The following PTPRN2 variants were observed in gnomAD, a reference collection of about 807,000 sequenced individuals.
PTPRN2 encodes the protein receptor-type tyrosine-protein phosphatase N2.
A neutral mutation model predicts 118.8 loss-of-function variants in PTPRN2; 74 were observed. The observed-to-expected ratio is 0.62, with a 90% CI of 0.52 to 0.76. The LOEUF (loss-of-function observed/expected upper bound fraction) is 0.76. PTPRN2 is among the 30% of genes least tolerant of loss of function. The probability of loss-of-function intolerance (pLI) is 0.00; values close to 1 mark genes in which losing one functional copy is unlikely to be tolerated. For synonymous variants in PTPRN2, 641 were observed against 608.0 expected (o/e 1.05, Z -0.80); for missense variants, 1,481 against 1,394.4 (o/e 1.06, Z -0.99).
chr7:157,854,419 T>C (rs963277958), intron 12 of PTPRN2: 1 of 152,354 alleles, frequency 6.6e-6, no homozygotes, highest in Non-Finnish European at 1.5e-5. Context: ...AGAGCAGCCG[T>C]GGCCAGGAAA....
chr7:158,527,947 C>G (rs1383592416), intron 1 of PTPRN2, among the ~76,000 whole-genome samples: 3 of 152,132 alleles, frequency 2.0e-5, no homozygotes, highest in Non-Finnish European at 4.4e-5. Flanking sequence ...GTTGCTTGTG[C>G]TATGTCTGTT....
rs189311184 is a variant in PTPRN2 at position 158,481,574 on chromosome 7, T to G, written c.163+8161A>C. Among the ~76,000 whole-genome samples the G allele has an allele frequency of 2.6e-5, 4 of 152,312 alleles. No homozygotes were observed. In the East Asian group the frequency reaches 7.7e-4, roughly 29 times the overall value. The stretch of plus-strand genomic sequence containing the variant: ...CCGCCTCCCAGGTTCAAGCAATTCC[T>G]TGCCTCAGCCTCCCGCATAGCTGGG... On this transcript the variant is annotated intron_variant, in intron 2 of 22. Transcript: ENST00000389418.
intron 19 of PTPRN2, chr7:157,574,253 G>A (rs139358482): frequency 3.0e-4 from 130 of 431,288 alleles, no homozygotes; most frequent in African/African-American, 1.5e-3. Flanking sequence ...AGAGCGCACC[G>A]TCATGCAAAG....
intron 12 of PTPRN2, among the ~76,000 whole-genome samples, chr7:157,705,116 C>A (rs529467203): frequency 1.1e-4 from 16 of 152,220 alleles, no homozygotes; most frequent in African/African-American, 3.9e-4. Context: ...CCAGCCTGGC[C>A]AATATGGTGA....
At chr7:158,340,483 TA>T (rs1806493278) in intron 2 of PTPRN2, among the ~76,000 whole-genome samples, 1 of 109,420 alleles carries the variant, frequency 9.1e-6, no homozygotes, top group Admixed American at 9.6e-5. Flanking sequence ...ACTCTCACCA[TA>T]ATAGGTGACA....
At chr7:158,044,272 C>A (rs1808679990) in intron 11 of PTPRN2, among the ~76,000 whole-genome samples, 1 of 152,160 alleles carries the variant, frequency 6.6e-6, no homozygotes, top group East Asian at 1.9e-4. Context: ...GGGAGCTCAC[C>A]TCTGGAGGAG....
chr7:158,038,648 C>T (rs1008853182), intron 11 of PTPRN2, among the ~76,000 whole-genome samples: 2 of 149,706 alleles, frequency 1.3e-5, no homozygotes, highest in African/African-American at 2.4e-5. Context: ...ATATATAACA[C>T]ATATAGCATT....
At chr7:158,389,373 A>G (rs975451481) in intron 2 of PTPRN2, among the ~76,000 whole-genome samples, 2 of 152,256 alleles carry the variant, frequency 1.3e-5, no homozygotes, top group Non-Finnish European at 2.9e-5. Flanking sequence ...TTTGGATTTA[A>G]GCTCTGAAAT....
chr7:157,621,659 G>A, intron 14 of PTPRN2, 150 bp from the exon 15 acceptor site: 3 of 895,368 alleles, frequency 3.4e-6, no homozygotes, highest in East Asian at 2.4e-5. Flanking sequence ...TTGTGCTACG[G>A]TGCACAATGC....
At position 157,987,879 on chromosome 7, in the gene PTPRN2, T is replaced by C. The variant is rs986764966; in HGVS notation, c.1724-89142A>G. Among the ~76,000 whole-genome samples, 5 of 151,776 alleles carry C rather than the reference T, an allele frequency of 3.3e-5. No homozygotes were observed. The highest frequency in any genetic ancestry group is 1.2e-4 in the African/African-American group (5 of 41,222). On this transcript the variant is annotated intron_variant, in intron 11 of 22. Transcript: ENST00000389418. The surrounding 1 kb of genome is among the most constrained non-coding windows in gnomAD (Gnocchi z 4.3). ...CCTCCATCACTGATGCCCCCAGCTCTCCCCACACCTGCCATTCCCCACGTT... is the reference window on the plus strand; with the variant it reads ...CCTCCATCACTGATGCCCCCAGCTCCCCCCACACCTGCCATTCCCCACGTT...
At chr7:158,577,342 C>T (rs1828389528) in intron 1 of PTPRN2, among the ~76,000 whole-genome samples, 1 of 140,256 alleles carries the variant, frequency 7.1e-6, no homozygotes, top group African/African-American at 2.8e-5. Flanking sequence ...GGGCTGCCCA[C>T]CCTGCCTGAT....
At chr7:157,692,180 G>A (rs982515114) in intron 12 of PTPRN2, among the ~76,000 whole-genome samples, 1 of 151,464 alleles carries the variant, frequency 6.6e-6, no homozygotes, top group Admixed American at 6.6e-5. Flanking sequence ...TGTTCCCTGC[G>A]CCCGGGACAG....
At chr7:158,282,515 C>A (rs369889577) in intron 3 of PTPRN2, among the ~76,000 whole-genome samples, 1 of 152,202 alleles carries the variant, frequency 6.6e-6, no homozygotes, top group African/African-American at 2.4e-5. Flanking sequence ...GTCGAGGCTG[C>A]GGCTGAGTTT....
chr7:157,816,390 G>A (rs370907704), intron 12 of PTPRN2, among the ~76,000 whole-genome samples: 37 of 152,302 alleles, frequency 2.4e-4, no homozygotes, highest in East Asian at 1.2e-3. Flanking sequence ...TCCCCTCCAC[G>A]AGCTCTAGGG....
intron 5 of PTPRN2, among the ~76,000 whole-genome samples, chr7:158,175,070 C>G (rs752699128): frequency 5.9e-5 from 9 of 151,744 alleles, no homozygotes; most frequent in African/African-American, 2.2e-4. Context: ...GAGGAGACTC[C>G]TGTGTGTGCA....
chr7:157,891,049 C>G (rs1034091070), intron 12 of PTPRN2, among the ~76,000 whole-genome samples: 1 of 152,202 alleles, frequency 6.6e-6, no homozygotes, highest in Non-Finnish European at 1.5e-5. Context: ...CAAAGGCCCC[C>G]CTCTGTCCCG....
In PTPRN2 at chr7:157,671,538, C is replaced by T. The variant is rs1026656338; in HGVS notation, c.2001+11187G>A. 3.3e-5 allele frequency among the ~76,000 whole-genome samples: 5 copies of T among 151,908 alleles called. No homozygotes were observed. The highest frequency in any genetic ancestry group is 1.3e-4 in the Admixed American group (2 of 15,254). On this transcript the variant is annotated intron_variant, in intron 13 of 22. Transcript: ENST00000389418. The surrounding 1 kb of genome is among the most constrained non-coding windows in gnomAD (Gnocchi z 4.1). ...TAAAGTGGGAGGGGGGGCGGTGCAA[C>T]GGAGGGAGCCGGGCAAACAAAGGCT...
intron 3 of PTPRN2, among the ~76,000 whole-genome samples, chr7:158,233,772 C>T (rs1236751850): frequency 6.6e-6 from 1 of 152,244 alleles, no homozygotes; most frequent in East Asian, 1.9e-4. Context: ...TAAAAACAGA[C>T]ACACAGACCA....
rs1033151383 is a variant in PTPRN2, at chr7:157,729,024, C to T, written c.1789-46087G>A. ...TCACGTGATCCAGTCACACAGAGGT[C>T]GGTCGTTGTCTGGACACAGACAATG... On this transcript the variant is annotated intron_variant, in intron 12 of 22. Coordinates refer to ENST00000389418, the MANE Select transcript of PTPRN2 (RefSeq NM_002847.5). This position sits in a 1 kb window ranked among gnomAD's most constrained non-coding sequence, Gnocchi z 4.3. Among the ~76,000 whole-genome samples the T allele has an allele frequency of 3.3e-5, 5 of 152,144 alleles. No individual in the cohort carries two copies. The highest frequency in any genetic ancestry group is 2.0e-4 in the Admixed American group (3 of 15,282).
Sources: gnomAD v4.1 joint callset for allele counts (sites outside exome capture counted in the v4.1 genomes callset) on GRCh38, gnomAD v4.1.1 for gene constraint, Gnocchi (gnomAD v3.1) non-coding constraint, MANE v1.5 for transcripts, NCBI Gene and HGNC (gene_info 2026-07-23, HGNC 2026-07-21) for gene names.